Variants in NIBAN1 observed in about 807,000 individuals in gnomAD.
NIBAN1 encodes protein Niban 1.
A neutral mutation model predicts 75.1 loss-of-function variants in NIBAN1; 81 were observed. The ratio of observed to expected loss-of-function variants is 1.08; its 90% confidence interval spans 0.90 to 1.30. The LOEUF is 1.30. Among genes scored for constraint, NIBAN1 ranks in the 50% most tolerant of loss-of-function variants. The pLI, the probability that NIBAN1 is intolerant of heterozygous loss-of-function variation, is 0.00. For missense variants in NIBAN1, 1,133 were observed against 1,128.1 expected, an observed-to-expected ratio of 1.00 and a Z score of -0.06; for synonymous variants, 436 against 424.8, an observed-to-expected ratio of 1.03 and a Z score of -0.32.
At chr1:184,961,214 G>A (rs1361740721) in intron 1 of NIBAN1, among the ~76,000 whole-genome samples, 1 of 151,442 alleles carries the variant, frequency 6.6e-6, no homozygotes, top group Non-Finnish European at 1.5e-5. Flanking sequence ...GACTACAGGC[G>A]CCTGCCGCCA....
chr1:184,807,874 ATGTCT>A (rs1654250059), intron 10 of NIBAN1, 195 bp downstream of exon 10: 6 of 592,824 alleles, frequency 1.0e-5, no homozygotes, highest in Non-Finnish European at 1.8e-5. Flanking sequence ...TTTCTGAGCT[ATGTCT>A]TGTCTATGAT....
At chr1:184,808,387 T>C in intron 9 of NIBAN1, 152 bp from the exon 10 acceptor site, 3 of 781,224 alleles carry the variant, frequency 3.8e-6, no homozygotes, top group Non-Finnish European at 5.9e-6. Context: ...CCTTCAACTG[T>C]CTTATTTTCC....
chr1:184,796,181 A>C, intron 13 of NIBAN1, 84 bp from the exon 14 acceptor site: 3 of 1,403,908 alleles, frequency 2.1e-6, no homozygotes, highest in Non-Finnish European at 2.8e-6. Flanking sequence ...GGCTATCCAA[A>C]TTTCTCCATT....
intron 4 of NIBAN1, among the ~76,000 whole-genome samples, chr1:184,889,441 G>A (rs1656611052): frequency 6.6e-6 from 1 of 151,958 alleles, no homozygotes; most frequent in Non-Finnish European, 1.5e-5. Context: ...TTAATGCAAT[G>A]CTTTTTTTTT....
chr1:184,903,555 T>G (rs544312634), intron 1 of NIBAN1, among the ~76,000 whole-genome samples: 1 of 152,074 alleles, frequency 6.6e-6, no homozygotes, highest in South Asian at 2.1e-4. Context: ...GAGCTGGTTG[T>G]TTGAAGGGAG....
intron 9 of NIBAN1, among the ~76,000 whole-genome samples, chr1:184,813,579 G>C (rs1366265089): frequency 6.6e-6 from 1 of 152,206 alleles, no homozygotes; most frequent in Admixed American, 6.5e-5. Context: ...TATAAGAGAG[G>C]ATGTTGTATG....
At chr1:184,800,490 T>C (rs1654007552) in intron 12 of NIBAN1, among the ~76,000 whole-genome samples, 1 of 151,890 alleles carries the variant, frequency 6.6e-6, no homozygotes, top group Admixed American at 6.6e-5. Context: ...AGGGTTTTTA[T>C]GGTTTTAGGT....
At chr1:184,963,868 A>C (rs1244772849) in intron 1 of NIBAN1, among the ~76,000 whole-genome samples, 1 of 152,232 alleles carries the variant, frequency 6.6e-6, no homozygotes, top group Non-Finnish European at 1.5e-5. Context: ...TTTCAATAAA[A>C]TTACAAAATG....
At chr1:184,959,431 T>C (rs567502623) in intron 1 of NIBAN1, among the ~76,000 whole-genome samples, 1 of 152,232 alleles carries the variant, frequency 6.6e-6, no homozygotes, top group Admixed American at 6.5e-5. Flanking sequence ...ATGGAGCATA[T>C]AATGACTGCT....
Position 184,795,134 on chromosome 1 carries a change from C to T in NIBAN1, c.2630G>A (p.Ser877Asn), listed in dbSNP as rs1003182411. The change falls in exon 14 of 14, where the codon AGT (serine) becomes AAT (asparagine). Residue 877 changes from serine (S) to asparagine (N), a missense_variant. Coordinates refer to ENST00000367511, the MANE Select transcript of NIBAN1 (RefSeq NM_052966.4). ...TACCTTGATCTCCTCTGCATTCACA[C>T]TGGCCGTGGCCTGGGCCGCGCTGCT... The part of the protein sequence containing the change: ...GQSSAAQATA[S>N]VNAEEIKVAR... 12 of 1,614,090 alleles carry T rather than the reference C, an allele frequency of 7.4e-6. No individual in the cohort carries two copies. The Admixed American group carries it at 1.0e-4, about 13-fold the overall frequency.
At position 184,874,663 on chromosome 1, in the gene NIBAN1, T is replaced by G. The variant is rs547185585; in HGVS notation, c.601+9970A>C. 2.6e-5 allele frequency among the ~76,000 whole-genome samples: 4 copies of G among 152,244 alleles called. 1 individual carries two copies. The South Asian group carries it at 8.3e-4, about 32-fold the overall frequency. On this transcript the variant is annotated intron_variant, in intron 5 of 13. Coordinates refer to ENST00000367511, the MANE Select transcript of NIBAN1 (RefSeq NM_052966.4). ...ACATATATAACTCAAAACATATAAT[T>G]CAACAATAGAAATGCAAATAGTAAA...
chr1:184,954,178 C>T lies in NIBAN1; in HGVS notation c.55+20124G>A, dbSNP rs555611695. Among the ~76,000 whole-genome samples the T allele has an allele frequency of 5.3e-5, 8 of 152,062 alleles. No homozygotes were observed. The South Asian group carries it at 1.7e-3, about 32-fold the overall frequency. On this transcript the variant is annotated intron_variant, in intron 1 of 13. Coordinates refer to ENST00000367511, the MANE Select transcript of NIBAN1 (RefSeq NM_052966.4). ...GGGAGAGTAAGTTGGATGGGGGAAA[C>T]CTTGGACTATTCTAGGACAAAAAGT...
At chr1:184,898,837 G>C (rs536824198) in intron 2 of NIBAN1, among the ~76,000 whole-genome samples, 1 of 152,062 alleles carries the variant, frequency 6.6e-6, no homozygotes, top group African/African-American at 2.4e-5. Flanking sequence ...TGGAGCAAAG[G>C]AGTAAGAATA....
At chr1:184,801,417 T>C (rs1301494012) in intron 12 of NIBAN1, among the ~76,000 whole-genome samples, 2 of 152,186 alleles carry the variant, frequency 1.3e-5, no homozygotes, top group African/African-American at 2.4e-5. Context: ...GGACTAGACA[T>C]GGGACCTTGG....
intron 5 of NIBAN1, among the ~76,000 whole-genome samples, chr1:184,882,880 T>A (rs1005095531): frequency 6.6e-6 from 1 of 152,162 alleles, no homozygotes; most frequent in African/African-American, 2.4e-5. Flanking sequence ...CTGGGCAATT[T>A]TTTGTCTCTA....
chr1:184,831,951 G>T lies in NIBAN1; in HGVS notation c.613C>A (p.Gln205Lys). ...VRHLNHDYMKQMTFEAQAFLE... is the reference protein window; with the variant it reads ...VRHLNHDYMKKMTFEAQAFLE... ...AAGGCTTGGGCTTCAAATGTCATCT[G>T]CTTCATGTAATCTAAAGAAAAGAAG... The change falls in exon 6 of 14, where the codon CAG becomes AAG. Residue 205 changes from glutamine to lysine, a missense_variant. Physicochemically the swap from Gln to Lys is moderately conservative, Grantham distance 53. Transcript: ENST00000367511. The T allele has an allele frequency of 6.2e-7, 1 of 1,612,748 alleles. No homozygotes were observed. Among genetic ancestry groups the T allele is most frequent in the South Asian group, 1.1e-5 (1 of 91,030 alleles).
intron 4 of NIBAN1, 102 bp from the exon 5 acceptor site, chr1:184,884,902 G>T: frequency 7.2e-7 from 1 of 1,379,642 alleles, no homozygotes; most frequent in Non-Finnish European, 9.8e-7. Flanking sequence ...CAGGCCATGG[G>T]ATGGAAAGTT....
intron 1 of NIBAN1, among the ~76,000 whole-genome samples, chr1:184,936,218 G>C (rs1456820247): frequency 6.6e-6 from 1 of 152,100 alleles, no homozygotes; most frequent in Non-Finnish European, 1.5e-5. Flanking sequence ...GACTATGATA[G>C]ATGCTGGAAA....
intron 1 of NIBAN1, among the ~76,000 whole-genome samples, chr1:184,941,075 G>A (rs1658076784): frequency 6.6e-6 from 1 of 152,132 alleles, no homozygotes; most frequent in Admixed American, 6.5e-5. Context: ...ACATCACTTA[G>A]GACAGTACCC....
Sources: allele counts gnomAD v4.1 joint callset (sites outside exome capture counted in the v4.1 genomes callset), GRCh38; gene constraint gnomAD v4.1.1; transcripts MANE v1.5; gene names NCBI Gene and HGNC (gene_info 2026-07-23, HGNC 2026-07-21).